BMPR1B: variants seen among roughly 807,000 people sequenced by gnomAD.
The protein encoded by BMPR1B is bone morphogenetic protein receptor type-1B.
In BMPR1B, 12 loss-of-function variants were observed where a neutral mutation model predicts 59.1. The ratio of observed to expected loss-of-function variants is 0.20; its 90% confidence interval spans 0.13 to 0.33. BMPR1B has a LOEUF of 0.33. Among genes scored for constraint, BMPR1B ranks in the 10% least tolerant of loss-of-function variants. The pLI is 1.00. For synonymous variants in BMPR1B, 237 were observed against 207.3 expected (o/e 1.14, Z -1.23); for missense variants, 550 against 610.9 (o/e 0.90, Z 1.05).
chr4:95,063,551 G>A (rs900644009), intron 3 of BMPR1B, among the ~76,000 whole-genome samples: 1 of 152,050 alleles, frequency 6.6e-6, no homozygotes, highest in Non-Finnish European at 1.5e-5. Flanking sequence ...AATCAACACT[G>A]GCGTTTGTAT....
At chr4:94,892,209 G>T (rs1727425710) in intron 2 of BMPR1B, among the ~76,000 whole-genome samples, 1 of 152,076 alleles carries the variant, frequency 6.6e-6, no homozygotes, top group Non-Finnish European at 1.5e-5. Flanking sequence ...GGAATGTGTT[G>T]TCCCAGTAGA....
chr4:94,810,693 A>G (rs2110637756), intron 1 of BMPR1B, among the ~76,000 whole-genome samples: 1 of 152,374 alleles, frequency 6.6e-6, no homozygotes, highest in South Asian at 2.1e-4. Flanking sequence ...TTTCTGCTAT[A>G]AAGACAAACT....
chr4:94,817,397 T>TA (rs1724050318), intron 1 of BMPR1B, among the ~76,000 whole-genome samples: 2 of 152,212 alleles, frequency 1.3e-5, no homozygotes, highest in Admixed American at 6.5e-5. Flanking sequence ...TTTTAAATAA[T>TA]ACGTTATATC....
Position 95,096,816 on chromosome 4 carries a change from A to G in BMPR1B, c.-17-7592A>G, listed in dbSNP as rs1468898335. Among the ~76,000 whole-genome samples, 10 of 140,960 alleles carry G rather than the reference A, an allele frequency of 7.1e-5. No homozygotes were observed. The East Asian group carries it at 2.0e-3, about 28-fold the overall frequency. The allele number at this position is 140,960 out of a possible 152,430, so 92.5% of individuals were successfully genotyped here. Reference sequence around the variant, plus strand: ...ATCTATATATAGAATATATAAATATAAATATATTTATATTTATATATAAAT... The same window carrying G: ...ATCTATATATAGAATATATAAATATGAATATATTTATATTTATATATAAAT... On this transcript the variant is annotated intron_variant, in intron 3 of 12. Coordinates refer to ENST00000515059, the MANE Select transcript of BMPR1B (RefSeq NM_001203.3).
rs773417270 is a variant in BMPR1B, at chr4:95,104,509, G to T, written c.85G>T (p.Val29Phe). The T allele has an allele frequency of 6.0e-5, 97 of 1,613,290 alleles. No homozygotes were observed. The highest frequency in any genetic ancestry group is 7.5e-5 in the Non-Finnish European group (89 of 1,179,650). ...ESTAPTPRPKVLRCKCHHHCP... is the reference protein window; with the variant it reads ...ESTAPTPRPKFLRCKCHHHCP... ...TACAGCCCCCACCCCCCGTCCAAAGGTCTTGCGTTGTAAATGCCACCACCA... is the reference window on the plus strand; with the variant it reads ...TACAGCCCCCACCCCCCGTCCAAAGTTCTTGCGTTGTAAATGCCACCACCA... Residue 29 changes from valine to phenylalanine, a missense_variant, in exon 4 of 13, where the codon GTC (valine) becomes TTC (phenylalanine). Val to Phe is a conservative substitution (Grantham distance 50). This residue lies in a region of BMPR1B where 43 missense variants were observed against 35.4 expected (regional missense o/e 1.22). Coordinates refer to ENST00000515059, the MANE Select transcript of BMPR1B (RefSeq NM_001203.3).
At chr4:95,006,076 G>A (rs559403951) in intron 3 of BMPR1B, among the ~76,000 whole-genome samples, 2 of 152,228 alleles carry the variant, frequency 1.3e-5, no homozygotes, top group Admixed American at 1.3e-4. Flanking sequence ...TTCGAGACCA[G>A]CCTGGCCAAC....
chr4:94,986,925 C>T (rs951413071), intron 2 of BMPR1B, among the ~76,000 whole-genome samples: 1 of 151,070 alleles, frequency 6.6e-6, no homozygotes, highest in Non-Finnish European at 1.5e-5. Context: ...CCTGTAGTCC[C>T]AGCTACTCGG....
intron 2 of BMPR1B, among the ~76,000 whole-genome samples, chr4:94,884,513 G>A (rs891570828): frequency 1.7e-4 from 25 of 151,402 alleles, no homozygotes; most frequent in Non-Finnish European, 1.6e-4. Context: ...GAGACAGAGC[G>A]AGACTCTGTC....
chr4:94,880,594 G>T (rs566133582), intron 2 of BMPR1B, among the ~76,000 whole-genome samples: 2 of 151,680 alleles, frequency 1.3e-5, no homozygotes, highest in South Asian at 4.2e-4. Context: ...TGAAGTACTG[G>T]GATTAGAGGC....
chr4:95,067,521 A>G (rs1361321378), intron 3 of BMPR1B, among the ~76,000 whole-genome samples: 2 of 152,230 alleles, frequency 1.3e-5, no homozygotes, highest in African/African-American at 4.8e-5. Flanking sequence ...CAAAATGAAA[A>G]TGGAATGAAG....
intron 1 of BMPR1B, among the ~76,000 whole-genome samples, chr4:94,805,571 T>C (rs2110629660): frequency 6.6e-6 from 1 of 152,324 alleles, no homozygotes; most frequent in South Asian, 2.1e-4. Context: ...TGAGCTACAA[T>C]GAAATGAATT....
intron 2 of BMPR1B, among the ~76,000 whole-genome samples, chr4:94,899,213 T>A (rs932165648): frequency 5.9e-5 from 9 of 151,924 alleles, no homozygotes; most frequent in African/African-American, 2.2e-4. Flanking sequence ...TGGTGGCATT[T>A]AGGGCCTATG....
chr4:94,821,238 G>A (rs1724195589), intron 1 of BMPR1B, among the ~76,000 whole-genome samples: 1 of 152,140 alleles, frequency 6.6e-6, no homozygotes, highest in African/African-American at 2.4e-5. Flanking sequence ...TGAAAATAAA[G>A]CCAAAAGGTG....
chr4:95,040,988 C>A (rs1373985499), intron 3 of BMPR1B, among the ~76,000 whole-genome samples: 2 of 152,234 alleles, frequency 1.3e-5, no homozygotes, highest in African/African-American at 2.4e-5. Context: ...ACCCTTTCCT[C>A]AATTCCTTGG....
At chr4:94,767,004 A>C (rs1025819538) in intron 1 of BMPR1B, among the ~76,000 whole-genome samples, 15 of 152,064 alleles carry the variant, frequency 9.9e-5, no homozygotes, top group Non-Finnish European at 1.8e-4. Flanking sequence ...GCAGTTGGCA[A>C]TTCTGTTTAA....
intron 1 of BMPR1B, among the ~76,000 whole-genome samples, chr4:94,838,545 G>T (rs1426499589): frequency 7.4e-6 from 1 of 134,796 alleles, no homozygotes; most frequent in African/African-American, 2.8e-5. Context: ...GTTTATTTGC[G>T]TAGAGGTGTT....
chr4:94,875,422 C>T lies in BMPR1B; in HGVS notation c.-182-409C>T, dbSNP rs144025657. On this transcript the variant is annotated intron_variant, in intron 1 of 12. Transcript: ENST00000515059. ...AAATGAGGCTGGACGTGGTGGCTCA[C>T]GCTTGTAATCCCAGCACTTTGGGAG... is the stretch of plus-strand genomic sequence containing the variant. Among the ~76,000 whole-genome samples the T allele has an allele frequency of 3.3e-4, 50 of 152,224 alleles. No individual in the cohort carries two copies. In the East Asian group the frequency reaches 7.8e-3, roughly 24 times the overall value.
intron 3 of BMPR1B, among the ~76,000 whole-genome samples, chr4:95,024,759 A>T (rs1724235236): frequency 6.6e-6 from 1 of 152,176 alleles, no homozygotes; most frequent in Non-Finnish European, 1.5e-5. Flanking sequence ...TGAGGAAAAA[A>T]GTTGGTAGTT....
intron 1 of BMPR1B, among the ~76,000 whole-genome samples, chr4:94,858,999 A>G (rs1224781265): frequency 1.3e-5 from 2 of 152,222 alleles, no homozygotes; most frequent in Non-Finnish European, 2.9e-5. Flanking sequence ...TTATGTTAAT[A>G]GATAAGCATG....
Sources: gnomAD v4.1 joint callset for allele counts (sites outside exome capture counted in the v4.1 genomes callset) on GRCh38, gnomAD v4.1.1 for gene constraint, gnomAD v4.1.1 regional missense constraint, MANE v1.5 for transcripts, NCBI Gene and HGNC (gene_info 2026-07-23, HGNC 2026-07-21) for gene names.